The following TMEM132B variants were observed in gnomAD, a reference collection of about 807,000 sequenced individuals.
TMEM132B encodes the protein transmembrane protein 132B.
Under a neutral mutation model 90.8 loss-of-function variants are expected in TMEM132B, and 18 were observed. The observed-to-expected ratio is 0.20, with a 90% CI of 0.14 to 0.29. TMEM132B has a LOEUF of 0.29. Among genes scored for constraint, TMEM132B ranks in the 10% least tolerant of loss-of-function variants. The pLI is 1.00. For missense variants in TMEM132B, 1,096 were observed against 1,326.8 expected (o/e 0.83, Z 2.70); for synonymous variants, 504 against 523.3 (o/e 0.96, Z 0.50).
intron 4 of TMEM132B, among the ~76,000 whole-genome samples, chr12:125,525,804 C>T (rs991624625): frequency 2.0e-5 from 3 of 152,172 alleles, no homozygotes; most frequent in Non-Finnish European, 4.4e-5. Flanking sequence ...TGAGTGGCCA[C>T]ATCCTTTGGT....
At chr12:125,287,735 T>G (rs1380254622) in intron 1 of TMEM132B, among the ~76,000 whole-genome samples, 1 of 138,226 alleles carries the variant, frequency 7.2e-6, no homozygotes, top group African/African-American at 2.8e-5. Context: ...AACAAACAAA[T>G]GCACATGCCA....
chr12:125,642,898 CG>C (rs1886665836), intron 5 of TMEM132B, among the ~76,000 whole-genome samples: 2 of 150,456 alleles, frequency 1.3e-5, no homozygotes, highest in African/African-American at 2.4e-5. Flanking sequence ...GGCAAAAGGC[CG>C]GTTTCATTTC....
chr12:125,607,336 G>A (rs11058262), intron 5 of TMEM132B, among the ~76,000 whole-genome samples: 12 of 152,186 alleles, frequency 7.9e-5, no homozygotes, highest in African/African-American at 2.9e-4. Context: ...CCTCTGCTCC[G>A]AAATGTGGGC....
intron 2 of TMEM132B, among the ~76,000 whole-genome samples, chr12:125,363,491 C>T (rs1385578447): frequency 6.6e-6 from 1 of 152,170 alleles, no homozygotes; most frequent in Admixed American, 6.5e-5. Context: ...GGAAATTTAA[C>T]CCTATGAGAT....
chr12:125,300,064 T>C (rs1875782139), intron 1 of TMEM132B, among the ~76,000 whole-genome samples: 1 of 152,254 alleles, frequency 6.6e-6, no homozygotes, highest in Non-Finnish European at 1.5e-5. Context: ...TTGCACTCGC[T>C]GTGCTTGCTG....
intron 4 of TMEM132B, among the ~76,000 whole-genome samples, chr12:125,581,844 C>T (rs1885061376): frequency 6.6e-6 from 1 of 151,782 alleles, no homozygotes; most frequent in African/African-American, 2.4e-5. Context: ...TAGGTGAGTT[C>T]TCATCTCAAC....
At chr12:125,470,813 A>T (rs1437957333) in intron 3 of TMEM132B, among the ~76,000 whole-genome samples, 1 of 152,098 alleles carries the variant, frequency 6.6e-6, no homozygotes, top group Non-Finnish European at 1.5e-5. Flanking sequence ...GGCTCCTTTG[A>T]CACTTTCTAA....
intron 1 of TMEM132B, among the ~76,000 whole-genome samples, chr12:125,217,349 G>A (rs1015875723): frequency 1.3e-5 from 2 of 152,150 alleles, no homozygotes; most frequent in African/African-American, 4.8e-5. Flanking sequence ...TTATATATTG[G>A]GGTACCAGTA....
At chr12:125,328,681 G>A (rs325084) in intron 1 of TMEM132B, among the ~76,000 whole-genome samples, 103,432 of 152,072 alleles carry the variant, frequency 0.68, 36,054 homozygotes, top group East Asian at 0.84. Context: ...GTCTGCCTTT[G>A]TCCAATATGA....
chr12:125,450,947 C>A (rs1881133063), intron 3 of TMEM132B, among the ~76,000 whole-genome samples: 1 of 151,910 alleles, frequency 6.6e-6, no homozygotes. Context: ...AGACAAACCC[C>A]AAATCAGGAG....
At chr12:125,413,966 T>C (rs1403838444) in intron 2 of TMEM132B, among the ~76,000 whole-genome samples, 1 of 152,222 alleles carries the variant, frequency 6.6e-6, no homozygotes, top group Non-Finnish European at 1.5e-5. Flanking sequence ...GAGCAGTGTA[T>C]GAGGGTTCCA....
chr12:125,614,315 T>C (rs1885933843), intron 5 of TMEM132B, among the ~76,000 whole-genome samples: 1 of 152,184 alleles, frequency 6.6e-6, no homozygotes, highest in Admixed American at 6.5e-5. Context: ...CTTACTTATG[T>C]CCACGTGTGC....
chr12:125,290,925 G>C (rs964743372), intron 1 of TMEM132B, among the ~76,000 whole-genome samples: 21 of 152,202 alleles, frequency 1.4e-4, no homozygotes, highest in Non-Finnish European at 2.6e-4. Context: ...TCGCTCCTGA[G>C]ACTGGATTGT....
At chr12:125,571,573 C>T (rs1323101406) in intron 4 of TMEM132B, among the ~76,000 whole-genome samples, 1 of 152,198 alleles carries the variant, frequency 6.6e-6, no homozygotes, top group Admixed American at 6.5e-5. Context: ...TTACCACATC[C>T]TGCATCTTTA....
rs1882333352 is a variant in TMEM132B at position 125,490,869 on chromosome 12, A to T, written c.1107-28570A>T. On this transcript the variant is annotated intron_variant, in intron 3 of 8. Transcript: ENST00000682704. This position sits in a 1 kb window ranked among gnomAD's most constrained non-coding sequence, Gnocchi z 4.2. Reference sequence around the variant, plus strand: ...CTTAAAAGACTAGGTCTCAAAAAGCATTGCACTTTCTTCCTTGCTGTTTCT... The same window carrying T: ...CTTAAAAGACTAGGTCTCAAAAAGCTTTGCACTTTCTTCCTTGCTGTTTCT... 6.6e-6 allele frequency among the ~76,000 whole-genome samples: 1 copy of T among 152,358 alleles called. No individual in the cohort carries two copies. The highest frequency in any genetic ancestry group is 2.1e-4 in the South Asian group (1 of 4,828).
At chr12:125,461,874 G>A (rs1369118143) in intron 3 of TMEM132B, among the ~76,000 whole-genome samples, 6 of 152,292 alleles carry the variant, frequency 3.9e-5, no homozygotes, top group South Asian at 2.1e-4. Flanking sequence ...TCCCTGCCTC[G>A]TCCACAAGCC....
At chr12:125,485,637 A>G (rs915023997) in intron 3 of TMEM132B, among the ~76,000 whole-genome samples, 3 of 152,044 alleles carry the variant, frequency 2.0e-5, no homozygotes, top group African/African-American at 7.2e-5. Context: ...CAAAACCCAT[A>G]CCGGGTATCT....
At chr12:125,612,396 G>A (rs1413292413) in intron 5 of TMEM132B, among the ~76,000 whole-genome samples, 1 of 151,674 alleles carries the variant, frequency 6.6e-6, no homozygotes, top group Non-Finnish European at 1.5e-5. Context: ...CCGGGAGGTG[G>A]AGGTTGCAGT....
At chr12:125,487,907 A>G (rs1882243282) in intron 3 of TMEM132B, among the ~76,000 whole-genome samples, 1 of 152,040 alleles carries the variant, frequency 6.6e-6, no homozygotes, top group Non-Finnish European at 1.5e-5. Flanking sequence ...AATATATATC[A>G]TGTGATCATA....
Sources: gnomAD v4.1 joint callset for allele counts (sites outside exome capture counted in the v4.1 genomes callset) on GRCh38, gnomAD v4.1.1 for gene constraint, Gnocchi (gnomAD v3.1) non-coding constraint, MANE v1.5 for transcripts, NCBI Gene and HGNC (gene_info 2026-07-23, HGNC 2026-07-21) for gene names.